Variants in CTSB observed in about 807,000 individuals in gnomAD.
CTSB encodes the protein APP secretase.
Under a neutral mutation model 44.3 loss-of-function variants are expected in CTSB, and 57 were observed. The observed-to-expected ratio is 1.29, with a 90% confidence interval of 1.04 to 1.60. CTSB has a LOEUF of 1.60. Among genes scored for constraint, CTSB ranks in the 40% most tolerant of loss-of-function variants. The pLI is 0.00. For synonymous variants in CTSB, 320 were observed against 168.0 expected, an observed-to-expected ratio of 1.91 and a Z score of -7.00; for missense variants, 768 against 443.0, an observed-to-expected ratio of 1.73 and a Z score of -6.59.
At chr8:11,864,775 A>AT (rs1816887917) in intron 1 of CTSB, among the ~76,000 whole-genome samples, 2 of 152,200 alleles carry the variant, frequency 1.3e-5, no homozygotes, top group East Asian at 3.9e-4. Context: ...TTAGCCAGGC[A>AT]TGGTGGTGCA....
rs550099132 is a variant in CTSB at position 11,847,973 on chromosome 8, C to T, written c.532+94G>A. 6.6e-6 allele frequency: 9 copies of T among 1,358,802 alleles called. No homozygotes were observed. In the African/African-American group the frequency reaches 1.3e-4, roughly 20 times the overall value. The allele number at this position is 1,358,802 out of a possible 1,614,324, so 84.2% of individuals were successfully genotyped here. A position where few individuals can be genotyped will look rare whatever the true frequency, so the allele number is the denominator to read the frequency against. ...TAGCACCTCTCAGCAGCCCCTCTGT[C>T]TCAACCCCCAGTTTATAAAGGCAAA... On this transcript the variant is annotated intron_variant, in intron 6 of 9. Coordinates refer to ENST00000353047, the MANE Select transcript of CTSB (RefSeq NM_001908.5).
intron 3 of CTSB, 96 bp downstream of exon 3, chr8:11,852,514 G>T: frequency 1.1e-6 from 1 of 888,416 alleles, no homozygotes; most frequent in Non-Finnish European, 1.7e-6. Context: ...CATGAGCCCT[G>T]CGGACGCCAG....
At chr8:11,854,136 G>C (rs1427501093) in intron 1 of CTSB, among the ~76,000 whole-genome samples, 6 of 152,222 alleles carry the variant, frequency 3.9e-5, no homozygotes, top group African/African-American at 1.4e-4. Flanking sequence ...TCACAAGCCA[G>C]TGCTTTCCAG....
chr8:11,851,715 C>T (rs183875277), intron 3 of CTSB, among the ~76,000 whole-genome samples: 2 of 152,094 alleles, frequency 1.3e-5, no homozygotes, highest in African/African-American at 4.8e-5. Context: ...CCCATCCTCA[C>T]GTGGGAAGTG....
chr8:11,847,846 G>C, intron 6 of CTSB, 24 bp from the exon 7 acceptor site: 1 of 1,528,538 alleles, frequency 6.5e-7, no homozygotes, highest in Non-Finnish European at 8.7e-7. Context: ...GGAGAAAGCG[G>C]AGTCAACCTA....
intron 1 of CTSB, among the ~76,000 whole-genome samples, chr8:11,859,767 CAAA>C (rs36047077): frequency 1.3e-4 from 5 of 38,982 alleles, no homozygotes; most frequent in African/African-American, 2.8e-4. Context: ...GACTCTGTCT[CAAA>C]AAAAAAAAAA....
At chr8:11,857,609 G>GTGGC (rs1171809236) in intron 1 of CTSB, among the ~76,000 whole-genome samples, 1 of 152,172 alleles carries the variant, frequency 6.6e-6, no homozygotes, top group African/African-American at 2.4e-5. Flanking sequence ...GCCATGTCCA[G>GTGGC]TGGCTCTCAA....
chr8:11,862,076 A>G lies in CTSB; in HGVS notation c.-26+5925T>C, dbSNP rs530249039. Among the ~76,000 whole-genome samples, 690 of 152,240 alleles carry G rather than the reference A, an allele frequency of 4.5e-3. 6 individuals carry two copies. Among genetic ancestry groups the G allele is most frequent in the African/African-American group, 0.016 (661 of 41,554 alleles). ...CAAAAAAATAGCCAGGCATGGTGGC[A>G]GGCGCCTGTAGTCCCAGCTACTCGG... is the stretch of plus-strand genomic sequence containing the variant. On this transcript the variant is annotated intron_variant, in intron 1 of 9. Coordinates refer to ENST00000353047, the MANE Select transcript of CTSB (RefSeq NM_001908.5).
In CTSB at chr8:11,844,937, C is replaced by T. The variant is rs770368082; in HGVS notation, c.*188G>A. Reference sequence around the variant, plus strand: ...TGCTGGCAGCGGTGGCTCACATGGCCTGTCTGCACTGTAACCACAGGCTGG... The same window carrying T: ...TGCTGGCAGCGGTGGCTCACATGGCTTGTCTGCACTGTAACCACAGGCTGG... On this transcript the variant is annotated 3_prime_UTR_variant, in exon 10 of 10. Transcript: ENST00000353047. The T allele has an allele frequency of 1.5e-5, 9 of 591,256 alleles. No individual in the cohort carries two copies. The highest frequency in any genetic ancestry group is 2.8e-5 in the East Asian group (1 of 35,922). The allele number at this position is 591,256 out of a possible 1,614,324, so 36.6% of individuals were successfully genotyped here.
At chr8:11,854,197 A>G (rs1332947445) in intron 1 of CTSB, among the ~76,000 whole-genome samples, 1 of 152,108 alleles carries the variant, frequency 6.6e-6, no homozygotes, top group African/African-American at 2.4e-5. Context: ...AAAGCAATAC[A>G]TGTCTCCTGG....
rs1353137920 is a variant in CTSB at position 11,843,268 on chromosome 8, A to G, written c.*1857T>C. ...GGCTGTTATGCTCATCATGGCACTT[A>G]AGAGATGCTTAACAAACCTTTCCTA... is the stretch of plus-strand genomic sequence containing the variant. On this transcript the variant is annotated 3_prime_UTR_variant, in exon 10 of 10. Transcript: ENST00000353047. 1 of 152,186 alleles carries G rather than the reference A, an allele frequency of 6.6e-6. No individual in the cohort carries two copies. Among genetic ancestry groups the G allele is most frequent in the Non-Finnish European group, 1.5e-5 (1 of 68,036 alleles). The allele number at this position is 152,186 out of a possible 1,614,324, so 9.4% of individuals were successfully genotyped here.
Position 11,845,287 on chromosome 8 carries a change from C to A in CTSB, c.923-65G>T, listed in dbSNP as rs544317181. 3 of 1,195,328 alleles carry A rather than the reference C, an allele frequency of 2.5e-6. No homozygotes were observed. The East Asian group carries it at 7.3e-5, about 29-fold the overall frequency. 74.0% of individuals were successfully genotyped at this position (1,195,328 alleles called of 1,614,324 possible). A position where few individuals can be genotyped will look rare whatever the true frequency, so the allele number is the denominator to read the frequency against. ...GGTCAACCAATATAGTCAGACTCAT[C>A]CTTAAAAGACCTTAAGTCACTCATC... On this transcript the variant is annotated intron_variant, in intron 9 of 9. Transcript: ENST00000353047.
At chr8:11,864,828 T>A (rs1816896220) in intron 1 of CTSB, among the ~76,000 whole-genome samples, 1 of 151,684 alleles carries the variant, frequency 6.6e-6, no homozygotes, top group African/African-American at 2.4e-5. Context: ...GCAGGAACAT[T>A]GCTTGAACCT....
At chr8:11,845,319 C>T (rs1222616142) in intron 9 of CTSB, 97 bp from the exon 10 acceptor site, 6 of 945,558 alleles carry the variant, frequency 6.3e-6, no homozygotes, top group Non-Finnish European at 9.9e-6. Context: ...CATCCCTGGC[C>T]ACTCCTGCTG....
intron 1 of CTSB, among the ~76,000 whole-genome samples, chr8:11,859,577 C>G (rs1013097405): frequency 2.0e-5 from 3 of 150,500 alleles, no homozygotes; most frequent in African/African-American, 7.3e-5. Context: ...CCTGTCTCTA[C>G]TAAACAAGGT....
intron 8 of CTSB, 48 bp from the exon 9 acceptor site, chr8:11,845,837 C>G: frequency 1.9e-6 from 3 of 1,555,510 alleles, no homozygotes; most frequent in South Asian, 1.2e-5. Flanking sequence ...CACTGTCCCA[C>G]GCCCCACAGC....
intron 1 of CTSB, among the ~76,000 whole-genome samples, chr8:11,860,639 A>G (rs1484097948): frequency 6.6e-6 from 1 of 152,140 alleles, no homozygotes; most frequent in African/African-American, 2.4e-5. Context: ...AAACAAAACA[A>G]AACAAAACAA....
intron 8 of CTSB, among the ~76,000 whole-genome samples, chr8:11,846,813 A>C (rs1373721944): frequency 6.6e-6 from 1 of 152,142 alleles, no homozygotes; most frequent in African/African-American, 2.4e-5. Flanking sequence ...GAACTAGCCC[A>C]GAGGCTCTGG....
intron 7 of CTSB, 52 bp from the exon 8 acceptor site, chr8:11,847,220 G>C: frequency 9.0e-7 from 1 of 1,112,392 alleles, no homozygotes; most frequent in Non-Finnish European, 1.4e-6. Flanking sequence ...CGTGCCTCGT[G>C]GCACGCCACG....
Sources: allele counts gnomAD v4.1 joint callset (sites outside exome capture counted in the v4.1 genomes callset), GRCh38; gene constraint gnomAD v4.1.1; transcripts MANE v1.5; gene names NCBI Gene and HGNC (gene_info 2026-07-23, HGNC 2026-07-21).